RBMS2: variants seen among roughly 807,000 people sequenced by gnomAD.
RBMS2 encodes RNA-binding motif, single-stranded-interacting protein 2.
In RBMS2, 38 loss-of-function variants were observed where a neutral mutation model predicts 58.4. The observed-to-expected ratio is 0.65, with a 90% CI of 0.50 to 0.85. RBMS2 has a LOEUF of 0.85. RBMS2 is among the 40% of genes least tolerant of loss of function. The pLI is 0.00. For missense variants in RBMS2, 367 were observed against 503.7 expected, an observed-to-expected ratio of 0.73 and a Z score of 2.60; for synonymous variants, 151 against 180.7, an observed-to-expected ratio of 0.84 and a Z score of 1.32.
intron 9 of RBMS2, 42 bp from the exon 10 acceptor site, chr12:56,586,807 T>C (rs1326753893): frequency 2.6e-6 from 4 of 1,516,056 alleles, no homozygotes; most frequent in African/African-American, 1.4e-5. Context: ...GGCTGAATAA[T>C]AGTTTCCAGG....
chr12:56,552,429 A>G (rs1043048964), intron 1 of RBMS2, among the ~76,000 whole-genome samples: 2 of 152,216 alleles, frequency 1.3e-5, no homozygotes, highest in African/African-American at 4.8e-5. Flanking sequence ...TTTAGCATAT[A>G]AAGATGTGTG....
chr12:56,587,544 C>T lies in RBMS2; in HGVS notation c.952-10C>T, dbSNP rs1172104208. On this transcript the variant is annotated splice_polypyrimidine_tract_variant and intron_variant, in intron 10 of 13. Coordinates refer to ENST00000262031, the MANE Select transcript of RBMS2 (RefSeq NM_002898.4). ...CTGCAGCTAACCCTGTCCTTTGTTG[C>T]TGCCTCTAGGGTTCAGTTCTGACAC... 6.2e-7 allele frequency: 1 copy of T among 1,612,382 alleles called. No homozygotes were observed. The highest frequency in any genetic ancestry group is 8.5e-7 in the Non-Finnish European group (1 of 1,179,004).
chr12:56,541,182 G>T (rs1876030618), intron 1 of RBMS2, among the ~76,000 whole-genome samples: 1 of 151,758 alleles, frequency 6.6e-6, no homozygotes, highest in Admixed American at 6.6e-5. Context: ...TGGTTAATGG[G>T]ATTTATAGTC....
intron 1 of RBMS2, among the ~76,000 whole-genome samples, chr12:56,557,057 A>G (rs969605713): frequency 6.6e-6 from 1 of 152,002 alleles, no homozygotes; most frequent in African/African-American, 2.4e-5. Flanking sequence ...CTCTCTATCA[A>G]TTTGGAAATA....
intron 1 of RBMS2, among the ~76,000 whole-genome samples, chr12:56,535,310 C>T (rs1437922275): frequency 6.6e-6 from 1 of 151,918 alleles, no homozygotes; most frequent in Non-Finnish European, 1.5e-5. Flanking sequence ...GCTGGGGCAA[C>T]ATGGTGAAAC....
intron 1 of RBMS2, among the ~76,000 whole-genome samples, chr12:56,544,776 T>C: frequency 6.7e-6 from 1 of 148,842 alleles, no homozygotes; most frequent in African/African-American, 2.5e-5. Flanking sequence ...TTCTTTTTTG[T>C]AGAGCTGGGA....
chr12:56,550,525 C>T (rs118005353), intron 1 of RBMS2, among the ~76,000 whole-genome samples: 1 of 151,572 alleles, frequency 6.6e-6, no homozygotes, highest in Admixed American at 6.6e-5. Flanking sequence ...CAGAGTGAGA[C>T]CCTTTCTCAA....
At chr12:56,571,176 C>G (rs915826438) in intron 4 of RBMS2, among the ~76,000 whole-genome samples, 10 of 152,182 alleles carry the variant, frequency 6.6e-5, no homozygotes, top group Non-Finnish European at 1.5e-4. Context: ...CTTCAGGGTC[C>G]TAGGAGACTG....
intron 1 of RBMS2, among the ~76,000 whole-genome samples, chr12:56,561,763 C>A (rs1356028536): frequency 5.2e-5 from 2 of 38,344 alleles, no homozygotes; most frequent in East Asian, 1.8e-3. Context: ...GATCCACCCC[C>A]CCCCTCCTTG....
chr12:56,588,845 G>C, intron 12 of RBMS2, 87 bp from the exon 13 acceptor site: 1 of 1,290,260 alleles, frequency 7.8e-7, no homozygotes, highest in Non-Finnish European at 1.1e-6. Context: ...GAGGGCACTC[G>C]ATGTAGGGTG....
chr12:56,537,222 G>A (rs1875077596), intron 1 of RBMS2, among the ~76,000 whole-genome samples: 1 of 152,038 alleles, frequency 6.6e-6, no homozygotes, highest in Non-Finnish European at 1.5e-5. Context: ...ACCTTGCCTG[G>A]CTCATCTTGA....
At chr12:56,553,436 C>T (rs1592393743) in intron 1 of RBMS2, among the ~76,000 whole-genome samples, 1 of 152,224 alleles carries the variant, frequency 6.6e-6, no homozygotes, top group East Asian at 1.9e-4. Flanking sequence ...TTAAGCAATT[C>T]TCCTGCCTTA....
At chr12:56,536,828 A>G (rs1232077034) in intron 1 of RBMS2, among the ~76,000 whole-genome samples, 2 of 151,900 alleles carry the variant, frequency 1.3e-5, no homozygotes, top group Non-Finnish European at 2.9e-5. Context: ...TGGCCTCCCA[A>G]AGTGCTGAGT....
Position 56,589,180 on chromosome 12 carries a change from G to A in RBMS2, c.*47G>A, listed in dbSNP as rs774630999. On this transcript the variant is annotated 3_prime_UTR_variant, in exon 14 of 14. Coordinates refer to ENST00000262031, the MANE Select transcript of RBMS2 (RefSeq NM_002898.4). ...CTTTACTGAATAGAAATGAATTCTT[G>A]GAGATACTCATGCTCCCAGATTCCA... 4 of 1,534,340 alleles carry A rather than the reference G, an allele frequency of 2.6e-6. No individual in the cohort carries two copies. In the African/African-American group the frequency reaches 4.1e-5, roughly 16 times the overall value.
chr12:56,538,522 C>T (rs916759744), intron 1 of RBMS2, among the ~76,000 whole-genome samples: 4 of 132,250 alleles, frequency 3.0e-5, no homozygotes, highest in Non-Finnish European at 6.2e-5. Context: ...CTGTCTCACT[C>T]TGTCACCCAG....
intron 5 of RBMS2, chr12:56,580,436 T>A: frequency 7.1e-6 from 2 of 281,862 alleles, no homozygotes; most frequent in Non-Finnish European, 1.4e-5. Context: ...TTTCTCCATG[T>A]TGTCCAGGCT....
chr12:56,584,685 T>G (rs1884434206), intron 9 of RBMS2, among the ~76,000 whole-genome samples: 1 of 151,382 alleles, frequency 6.6e-6, no homozygotes, highest in African/African-American at 2.4e-5. Context: ...CTGGGGAGGC[T>G]GAGGCAGGAG....
At chr12:56,534,045 C>T (rs927665137) in intron 1 of RBMS2, among the ~76,000 whole-genome samples, 5 of 152,050 alleles carry the variant, frequency 3.3e-5, no homozygotes, top group African/African-American at 1.2e-4. Context: ...GATTTGAACC[C>T]GGGTAATCTA....
chr12:56,558,333 A>ACTGCG (rs1879676389), intron 1 of RBMS2, among the ~76,000 whole-genome samples: 1 of 147,462 alleles, frequency 6.8e-6, no homozygotes, highest in African/African-American at 2.5e-5. Flanking sequence ...GGCGTGAGCC[A>ACTGCG]CCAGCTGCCT....
Sources: allele counts gnomAD v4.1 joint callset (sites outside exome capture counted in the v4.1 genomes callset), GRCh38; gene constraint gnomAD v4.1.1; transcripts MANE v1.5; gene names NCBI Gene and HGNC (gene_info 2026-07-23, HGNC 2026-07-21).